Variants in MBD2 observed in about 807,000 individuals in gnomAD.
The protein encoded by MBD2 is methyl-CpG binding domain protein 2.
A neutral mutation model predicts 39.3 loss-of-function variants in MBD2; 9 were observed. That is an observed-to-expected ratio of 0.23 (90% CI 0.14 to 0.40). The LOEUF is 0.40. MBD2 is among the 10% of genes least tolerant of loss of function. The pLI, the probability that MBD2 is intolerant of heterozygous loss-of-function variation, is 1.00. For missense variants in MBD2, 458 were observed against 532.6 expected (o/e 0.86, Z 1.38); for synonymous variants, 233 against 211.1 (o/e 1.10, Z -0.90).
intron 3 of MBD2, among the ~76,000 whole-genome samples, chr18:54,176,977 T>C (rs895514954): frequency 5.3e-5 from 8 of 152,180 alleles, no homozygotes; most frequent in African/African-American, 1.9e-4. Flanking sequence ...CTGTAGTTGT[T>C]TGACTAAATT....
Position 54,166,126 on chromosome 18 carries a change from T to G in MBD2, c.881A>C (p.Asp294Ala). Residue 294 changes from aspartate (D) to alanine (A), a missense_variant, in exon 4 of 7, where the codon GAT (aspartate) becomes GCT (alanine). By Grantham distance (126) the Asp-to-Ala change is moderately radical. Around this residue, in one of 2 missense-constraint regions of MBD2, gnomAD observed 189 missense variants for 296.6 expected, o/e 0.64. Transcript: ENST00000256429. ...GGTTTTTATAATTTGTTCTGTTACA[T>G]CTGATGCACTAAGTCCTTGTAGCCT... ...EKRLQGLSAS[D>A]VTEQIIKTME... 1 of 1,613,906 alleles carries G rather than the reference T, an allele frequency of 6.2e-7. No homozygotes were observed. Among genetic ancestry groups the G allele is most frequent in the Non-Finnish European group, 8.5e-7 (1 of 1,179,798 alleles).
At chr18:54,208,240 C>T (rs747078339) in intron 1 of MBD2, among the ~76,000 whole-genome samples, 20 of 152,270 alleles carry the variant, frequency 1.3e-4, no homozygotes, top group Non-Finnish European at 2.6e-4. Flanking sequence ...TGCCTGTAAT[C>T]CCAGCACTTT....
intron 1 of MBD2, chr18:54,222,308 C>T: frequency 2.0e-6 from 1 of 498,184 alleles, no homozygotes; most frequent in South Asian, 1.5e-5. Context: ...ATGACAGCTG[C>T]CACTGGCACA....
chr18:54,165,347 T>C (rs2086123872), intron 4 of MBD2, among the ~76,000 whole-genome samples: 1 of 152,224 alleles, frequency 6.6e-6, no homozygotes. Flanking sequence ...TGGTCACATT[T>C]AAATGCAATG....
At chr18:54,162,982 T>A (rs1442539935) in intron 5 of MBD2, among the ~76,000 whole-genome samples, 1 of 152,056 alleles carries the variant, frequency 6.6e-6, no homozygotes, top group Non-Finnish European at 1.5e-5. Flanking sequence ...AATACAAATA[T>A]AGGCTGGGCG....
At chr18:54,187,654 GAC>G in intron 3 of MBD2, 2 of 983,476 alleles carry the variant, frequency 2.0e-6, no homozygotes, top group Non-Finnish European at 2.4e-6. Context: ...CCTAAGTGGT[GAC>G]AAGAGCCTAA....
intron 3 of MBD2, among the ~76,000 whole-genome samples, chr18:54,173,617 A>T (rs561909393): frequency 1.3e-5 from 2 of 152,208 alleles, no homozygotes; most frequent in African/African-American, 4.8e-5. Flanking sequence ...ATGCAATACA[A>T]TCTATGCAAT....
intron 5 of MBD2, among the ~76,000 whole-genome samples, chr18:54,164,293 C>T (rs1344010835): frequency 1.3e-5 from 2 of 152,126 alleles, no homozygotes; most frequent in Non-Finnish European, 2.9e-5. Context: ...TTGGACAGGA[C>T]CATGACGATA....
chr18:54,164,611 A>G lies in MBD2; in HGVS notation c.1021T>C (p.Ser341Pro). ...TSSAPITGQV[S>P]AAVEKNPAVW... is the part of the protein sequence containing the mutation. Reference sequence around the variant, plus strand: ...GCAGGGTTCTTTTCCACAGCAGCGGAGACTTGCCCTGTGATTGGCGCAGAG... The same window carrying G: ...GCAGGGTTCTTTTCCACAGCAGCGGGGACTTGCCCTGTGATTGGCGCAGAG... The change falls in exon 5 of 7, where the codon TCC (serine) becomes CCC (proline). Residue 341 changes from serine (S) to proline (P), a missense_variant. This residue lies in a region of MBD2 where 189 missense variants were observed against 296.6 expected (regional missense o/e 0.64). Coordinates refer to ENST00000256429, the MANE Select transcript of MBD2 (RefSeq NM_003927.5). 1 of 1,614,192 alleles carries G rather than the reference A, an allele frequency of 6.2e-7. No individual in the cohort carries two copies. The highest frequency in any genetic ancestry group is 8.5e-7 in the Non-Finnish European group (1 of 1,180,026).
intron 1 of MBD2, among the ~76,000 whole-genome samples, chr18:54,219,214 G>A (rs1335877319): frequency 6.6e-6 from 1 of 152,076 alleles, no homozygotes; most frequent in Non-Finnish European, 1.5e-5. Flanking sequence ...TCCAGAAAAA[G>A]GCTTTCCACA....
chr18:54,174,710 G>T lies in MBD2; in HGVS notation c.841-8544C>A, dbSNP rs373011391. 1.7e-3 allele frequency among the ~76,000 whole-genome samples: 256 copies of T among 152,310 alleles called. 1 individual carries two copies. Among genetic ancestry groups the T allele is most frequent in the Non-Finnish European group, 2.8e-3 (191 of 68,024 alleles). ...TTATGGGTCGGTCTGGGACACTAGA[G>T]CCATTTATAATATCATTTCTATTGG... On this transcript the variant is annotated intron_variant, in intron 3 of 6. Transcript: ENST00000256429.
intron 2 of MBD2, chr18:54,203,163 CA>C (rs2086422329): frequency 2.5e-6 from 4 of 1,597,518 alleles, no homozygotes; most frequent in Non-Finnish European, 3.4e-6. Context: ...TTTGATGAAA[CA>C]TAAGTGTCAG....
At chr18:54,223,263 C>A (rs2086630434) in intron 1 of MBD2, among the ~76,000 whole-genome samples, 1 of 152,218 alleles carries the variant, frequency 6.6e-6, no homozygotes, top group African/African-American at 2.4e-5. Flanking sequence ...TCATTTAAAA[C>A]AGGATGTCTC....
At position 54,196,453 on chromosome 18, in the gene MBD2, T is replaced by G. The variant is rs184961959; in HGVS notation, c.703-7442A>C. ...AAGATGCCAGAGTTTCAGCCAGATA[T>G]CCTAGAACAGTCCTACTCAAACTCA... On this transcript the variant is annotated intron_variant, in intron 2 of 6. Coordinates refer to ENST00000256429, the MANE Select transcript of MBD2 (RefSeq NM_003927.5). 1.8e-4 allele frequency among the ~76,000 whole-genome samples: 28 copies of G among 152,318 alleles called. No homozygotes were observed. The East Asian group carries it at 5.4e-3, about 29-fold the overall frequency.
chr18:54,210,865 T>C (rs893743551), intron 1 of MBD2, among the ~76,000 whole-genome samples: 3 of 137,542 alleles, frequency 2.2e-5, no homozygotes, highest in Non-Finnish European at 3.1e-5. Flanking sequence ...ATCAACTTTC[T>C]ATTTTTTTTT....
At chr18:54,169,953 C>G (rs28448589) in intron 3 of MBD2, among the ~76,000 whole-genome samples, 65,705 of 152,028 alleles carry the variant, frequency 0.43, 14,802 homozygotes, top group African/African-American at 0.54. Context: ...GCTAGCTCCA[C>G]ATGCCTATCA....
intron 2 of MBD2, among the ~76,000 whole-genome samples, chr18:54,189,631 T>G (rs1192777081): frequency 6.6e-6 from 1 of 152,094 alleles, no homozygotes; most frequent in Non-Finnish European, 1.5e-5. Context: ...GATTGGTTTA[T>G]CCAAAAAAAG....
intron 1 of MBD2, among the ~76,000 whole-genome samples, chr18:54,222,869 C>T (rs1282068127): frequency 6.6e-6 from 1 of 152,212 alleles, no homozygotes; most frequent in Non-Finnish European, 1.5e-5. Context: ...ATTTCTTTAA[C>T]CTTTTCAATC....
In MBD2 at chr18:54,163,961, G is replaced by A. The variant is rs115745314; in HGVS notation, c.1109+562C>T. 5.6e-3 allele frequency among the ~76,000 whole-genome samples: 853 copies of A among 152,230 alleles called. 9 individuals are homozygous for A. Among genetic ancestry groups the A allele is most frequent in the African/African-American group, 0.019 (783 of 41,554 alleles). Reference sequence around the variant, plus strand: ...TGCAGGGATGTGACGACAGCTCACTGGAGCCTCGACCTCCCATGCTCAAGC... The same window carrying A: ...TGCAGGGATGTGACGACAGCTCACTAGAGCCTCGACCTCCCATGCTCAAGC... On this transcript the variant is annotated intron_variant, in intron 5 of 6. Transcript: ENST00000256429.
Sources: gnomAD v4.1 joint callset for allele counts (sites outside exome capture counted in the v4.1 genomes callset) on GRCh38, gnomAD v4.1.1 for gene constraint, gnomAD v4.1.1 regional missense constraint, MANE v1.5 for transcripts, NCBI Gene and HGNC (gene_info 2026-07-23, HGNC 2026-07-21) for gene names.